Variants in EXOC6B observed in about 807,000 individuals in gnomAD.
The protein encoded by EXOC6B is SEC15 homolog B.
In EXOC6B, 54 loss-of-function variants were observed where a neutral mutation model predicts 113.5. That is an observed-to-expected ratio of 0.48 (90% CI 0.38 to 0.60). EXOC6B has a LOEUF of 0.60. Ranked by LOEUF, EXOC6B falls within the 20% of genes least tolerant of loss-of-function variation. EXOC6B has a pLI of 0.00. For missense variants in EXOC6B, 797 were observed against 977.5 expected, an observed-to-expected ratio of 0.82 and a Z score of 2.46; for synonymous variants, 357 against 339.0, an observed-to-expected ratio of 1.05 and a Z score of -0.58.
intron 18 of EXOC6B, among the ~76,000 whole-genome samples, chr2:72,398,683 C>T (rs866692560): frequency 5.2e-4 from 73 of 139,754 alleles, no homozygotes; most frequent in Middle Eastern, 3.7e-3. Flanking sequence ...GGTGACAGAG[C>T]GAGACTCTAT....
At chr2:72,361,506 G>C (rs1435732347) in intron 19 of EXOC6B, among the ~76,000 whole-genome samples, 1 of 152,206 alleles carries the variant, frequency 6.6e-6, no homozygotes, top group Non-Finnish European at 1.5e-5. Context: ...CCCTGTGAGG[G>C]AATCTCGGAC....
chr2:72,270,560 C>T (rs1040529008), intron 20 of EXOC6B, among the ~76,000 whole-genome samples: 1 of 152,146 alleles, frequency 6.6e-6, no homozygotes, highest in East Asian at 1.9e-4. Context: ...CCCTTGCCCA[C>T]TTTCCTACCC....
At chr2:72,743,140 G>A (rs948168320) in intron 1 of EXOC6B, among the ~76,000 whole-genome samples, 5 of 151,846 alleles carry the variant, frequency 3.3e-5, no homozygotes, top group Non-Finnish European at 5.9e-5. Context: ...CTCAACCTCC[G>A]AAACATGTCT....
chr2:72,499,013 T>C (rs1435595070), intron 12 of EXOC6B, among the ~76,000 whole-genome samples: 9 of 152,094 alleles, frequency 5.9e-5, no homozygotes, highest in African/African-American at 2.2e-4. Context: ...TCAGCTGCCA[T>C]ATATGAATTA....
At chr2:72,199,188 C>T (rs1679344040) in intron 20 of EXOC6B, among the ~76,000 whole-genome samples, 1 of 152,002 alleles carries the variant, frequency 6.6e-6, no homozygotes. Context: ...AGCCACACAC[C>T]ACGGAAGATT....
chr2:72,226,785 T>C (rs1422999395), intron 20 of EXOC6B, among the ~76,000 whole-genome samples: 1 of 152,232 alleles, frequency 6.6e-6, no homozygotes, highest in Non-Finnish European at 1.5e-5. Context: ...TCAGTAGACC[T>C]GGCACATCAG....
chr2:72,415,001 A>C (rs1291644246), intron 18 of EXOC6B, among the ~76,000 whole-genome samples: 1 of 152,108 alleles, frequency 6.6e-6, no homozygotes, highest in Non-Finnish European at 1.5e-5. Context: ...GAGTTGGCTG[A>C]GTTAAGTTGA....
At chr2:72,665,516 A>G (rs1272009963) in intron 6 of EXOC6B, among the ~76,000 whole-genome samples, 1 of 152,170 alleles carries the variant, frequency 6.6e-6, no homozygotes, top group Non-Finnish European at 1.5e-5. Flanking sequence ...CAGAAACCTT[A>G]TAAGCCAAAA....
rs557641586 is a variant in EXOC6B, at chr2:72,811,600, A to C, written c.113+14198T>G. Among the ~76,000 whole-genome samples, 15 of 152,318 alleles carry C rather than the reference A, an allele frequency of 9.8e-5. 1 individual carries two copies. Among genetic ancestry groups the C allele is most frequent in the African/African-American group, 3.4e-4 (14 of 41,566 alleles). On this transcript the variant is annotated intron_variant, in intron 1 of 21. Coordinates refer to ENST00000272427, the MANE Select transcript of EXOC6B (RefSeq NM_015189.3). ...TACTATTACTCTATCAAAACCAGAC[A>C]TAAGACAATAAAAAATAAATAAAAT...
At chr2:72,451,877 G>C (rs1207209725) in intron 18 of EXOC6B, among the ~76,000 whole-genome samples, 1 of 152,062 alleles carries the variant, frequency 6.6e-6, no homozygotes, top group Non-Finnish European at 1.5e-5. Flanking sequence ...AGCACTTACT[G>C]AAGTATATTA....
chr2:72,501,848 C>A (rs1270202707), intron 11 of EXOC6B, among the ~76,000 whole-genome samples: 1 of 151,768 alleles, frequency 6.6e-6, no homozygotes, highest in Non-Finnish European at 1.5e-5. Context: ...CAGCCTTGAC[C>A]CCCTGGGTTC....
intron 18 of EXOC6B, among the ~76,000 whole-genome samples, chr2:72,380,512 C>T (rs967978762): frequency 2.6e-5 from 4 of 151,984 alleles, no homozygotes; most frequent in African/African-American, 4.8e-5. Flanking sequence ...TGGTGGCAGG[C>T]GCCTGTAGTC....
intron 5 of EXOC6B, among the ~76,000 whole-genome samples, chr2:72,723,895 TA>T (rs1380590096): frequency 1.3e-5 from 2 of 152,134 alleles, no homozygotes; most frequent in Non-Finnish European, 2.9e-5. Flanking sequence ...GCTATCTCTG[TA>T]AAAAGAGAAA....
chr2:72,504,009 G>A (rs943082055), intron 11 of EXOC6B, among the ~76,000 whole-genome samples: 1 of 152,118 alleles, frequency 6.6e-6, no homozygotes, highest in Non-Finnish European at 1.5e-5. Flanking sequence ...CCGGGATCAA[G>A]AGATCCTCCC....
intron 1 of EXOC6B, among the ~76,000 whole-genome samples, chr2:72,823,120 G>A (rs536864219): frequency 1.3e-5 from 2 of 148,470 alleles, no homozygotes; most frequent in South Asian, 2.1e-4. Context: ...ATGAACCCTG[G>A]GTCTGACAGT....
chr2:72,265,055 C>A (rs116628094), intron 20 of EXOC6B, among the ~76,000 whole-genome samples: 1 of 151,558 alleles, frequency 6.6e-6, no homozygotes, highest in Non-Finnish European at 1.5e-5. Context: ...GAGGTTGGAA[C>A]GGTTTAGAGG....
At chr2:72,253,110 C>T (rs1683130817) in intron 20 of EXOC6B, among the ~76,000 whole-genome samples, 2 of 152,162 alleles carry the variant, frequency 1.3e-5, no homozygotes, top group Admixed American at 6.5e-5. Flanking sequence ...CTCAACTTCA[C>T]TAATCATTTG....
intron 6 of EXOC6B, among the ~76,000 whole-genome samples, chr2:72,627,349 T>C (rs1484539561): frequency 6.6e-6 from 1 of 152,164 alleles, no homozygotes; most frequent in Non-Finnish European, 1.5e-5. Flanking sequence ...AGTGTTCCCT[T>C]TACTGGTGCC....
In EXOC6B at chr2:72,801,567, A is replaced by C. The variant is rs1211048893; in HGVS notation, c.113+24231T>G. Among the ~76,000 whole-genome samples, 4 of 152,298 alleles carry C rather than the reference A, an allele frequency of 2.6e-5. No homozygotes were observed. In the Middle Eastern group the frequency reaches 0.01, roughly 389 times the overall value. On this transcript the variant is annotated intron_variant, in intron 1 of 21. Transcript: ENST00000272427. ...GCCCTTTACAGAAACTTTCAATAAAACTTATGAAGGATAAATAATGCGTCT... is the reference window on the plus strand; with the variant it reads ...GCCCTTTACAGAAACTTTCAATAAACCTTATGAAGGATAAATAATGCGTCT...
Sources: gnomAD v4.1 joint callset for allele counts (sites outside exome capture counted in the v4.1 genomes callset) on GRCh38, gnomAD v4.1.1 for gene constraint, MANE v1.5 for transcripts, NCBI Gene and HGNC (gene_info 2026-07-23, HGNC 2026-07-21) for gene names.